NKAIN3: variants seen among roughly 807,000 people sequenced by gnomAD.
The protein encoded by NKAIN3 is sodium/potassium transporting ATPase interacting 3, also known as sodium/potassium-transporting ATPase subunit beta-1-interacting protein 3.
A neutral mutation model predicts 30.2 loss-of-function variants in NKAIN3; 25 were observed. The observed-to-expected ratio is 0.83, with a 90% CI of 0.60 to 1.16. The LOEUF (loss-of-function observed/expected upper bound fraction) is 1.16, where lower values mean the gene tolerates loss of function less well. NKAIN3 is among the 50% of genes most tolerant of loss of function. NKAIN3 has a pLI of 0.00. For missense variants in NKAIN3, 225 were observed against 254.1 expected, an observed-to-expected ratio of 0.89 and a Z score of 0.78; for synonymous variants, 91 against 89.6, an observed-to-expected ratio of 1.02 and a Z score of -0.09.
downstream of NKAIN3, among the ~76,000 whole-genome samples, chr8:62,985,378 T>G (rs747653851): frequency 8.5e-5 from 13 of 152,186 alleles, no homozygotes; most frequent in Non-Finnish European, 1.9e-4. Flanking sequence ...CAGGTACCAA[T>G]GAGTCCAGAG....
At chr8:62,304,099 C>T (rs1814142273) in intron 1 of NKAIN3, among the ~76,000 whole-genome samples, 1 of 150,380 alleles carries the variant, frequency 6.6e-6, no homozygotes, top group Non-Finnish European at 1.5e-5. Flanking sequence ...GCATAGCCAT[C>T]AGCATATATA....
intron 4 of NKAIN3, among the ~76,000 whole-genome samples, chr8:62,877,492 G>A (rs1236324088): frequency 6.6e-6 from 1 of 152,226 alleles, no homozygotes; most frequent in Non-Finnish European, 1.5e-5. Context: ...GGGGAGGGCA[G>A]CTTCCCCCAT....
chr8:62,692,368 A>G (rs896777502), intron 3 of NKAIN3, among the ~76,000 whole-genome samples: 9 of 152,238 alleles, frequency 5.9e-5, no homozygotes, highest in African/African-American at 2.2e-4. Flanking sequence ...TCCAGGTATA[A>G]GAAGCAATTT....
chr8:62,888,605 A>T (rs1373386068), intron 4 of NKAIN3, among the ~76,000 whole-genome samples: 1 of 152,174 alleles, frequency 6.6e-6, no homozygotes. Context: ...TTGATTTTTC[A>T]GTTTTTCTAG....
At chr8:62,874,455 A>T (rs1443224162) in intron 4 of NKAIN3, among the ~76,000 whole-genome samples, 1 of 152,272 alleles carries the variant, frequency 6.6e-6, no homozygotes, top group African/African-American at 2.4e-5. Flanking sequence ...ACTCCTCCCT[A>T]AATCATTTTA....
chr8:62,813,093 A>G (rs1460096993), intron 4 of NKAIN3, among the ~76,000 whole-genome samples: 1 of 151,954 alleles, frequency 6.6e-6, no homozygotes, highest in Non-Finnish European at 1.5e-5. Flanking sequence ...ACCATTTATT[A>G]AAAAGGGTGT....
chr8:62,772,016 C>G (rs1354338432), intron 4 of NKAIN3, among the ~76,000 whole-genome samples: 4 of 150,186 alleles, frequency 2.7e-5, no homozygotes, highest in Non-Finnish European at 5.9e-5. Flanking sequence ...TTTATCCTAT[C>G]TAACTATATT....
At chr8:62,362,892 A>C (rs941056874) in intron 1 of NKAIN3, among the ~76,000 whole-genome samples, 5 of 152,094 alleles carry the variant, frequency 3.3e-5, no homozygotes, top group Non-Finnish European at 5.9e-5. Context: ...CCTTATTTGA[A>C]CGCAGTTTGA....
intron 4 of NKAIN3, among the ~76,000 whole-genome samples, chr8:62,830,665 C>G (rs1819168694): frequency 6.6e-6 from 1 of 152,210 alleles, no homozygotes; most frequent in Non-Finnish European, 1.5e-5. Flanking sequence ...GGCACTTGGA[C>G]AGCTCAATCA....
At chr8:62,573,539 T>C (rs1810012521) in intron 1 of NKAIN3, among the ~76,000 whole-genome samples, 1 of 152,104 alleles carries the variant, frequency 6.6e-6, no homozygotes, top group African/African-American at 2.4e-5. Flanking sequence ...CCTGCCTTCT[T>C]TTCTTCCTTT....
chr8:62,963,132 A>G (rs147747109), intron 6 of NKAIN3, among the ~76,000 whole-genome samples: 119 of 152,278 alleles, frequency 7.8e-4, no homozygotes, highest in African/African-American at 2.7e-3. Context: ...ACCTCGGGTG[A>G]TCCACCAGAC....
chr8:62,799,536 C>A (rs1817985178), intron 4 of NKAIN3, among the ~76,000 whole-genome samples: 1 of 152,118 alleles, frequency 6.6e-6, no homozygotes, highest in Middle Eastern at 3.4e-3. Flanking sequence ...ATCAAAAAAT[C>A]AAAAAATAGT....
intron 1 of NKAIN3, among the ~76,000 whole-genome samples, chr8:62,451,068 T>C (rs1425236855): frequency 6.6e-6 from 1 of 152,204 alleles, no homozygotes; most frequent in Non-Finnish European, 1.5e-5. Flanking sequence ...TCTATAATTA[T>C]CTTTTTTATT....
At chr8:62,805,714 G>A (rs1387904489) in intron 4 of NKAIN3, among the ~76,000 whole-genome samples, 2 of 152,152 alleles carry the variant, frequency 1.3e-5, no homozygotes, top group South Asian at 4.1e-4. Context: ...AGAAAACCTA[G>A]GCATTACCAT....
At chr8:62,863,962 G>A in intron 4 of NKAIN3, 6 of 838,004 alleles carry the variant, frequency 7.2e-6, no homozygotes, top group Non-Finnish European at 1.2e-5. Context: ...TGGTGGTGGT[G>A]GAGGTGGAGG....
At chr8:62,274,047 C>A in intron 1 of NKAIN3, among the ~76,000 whole-genome samples, 1 of 152,088 alleles carries the variant, frequency 6.6e-6, no homozygotes, top group East Asian at 1.9e-4. Context: ...CTTTTTCTAT[C>A]TCGATTACTT....
intron 3 of NKAIN3, among the ~76,000 whole-genome samples, chr8:62,692,402 A>G (rs1452189121): frequency 6.6e-6 from 1 of 152,208 alleles, no homozygotes; most frequent in Non-Finnish European, 1.5e-5. Flanking sequence ...CACAGGTTCT[A>G]TAAAGGGCAA....
chr8:62,917,147 C>T (rs1822133240), intron 4 of NKAIN3, among the ~76,000 whole-genome samples: 1 of 152,018 alleles, frequency 6.6e-6, no homozygotes, highest in South Asian at 2.1e-4. Flanking sequence ...AGGCTAAGGG[C>T]ACACACACAC....
intron 3 of NKAIN3, among the ~76,000 whole-genome samples, chr8:62,722,919 T>A (rs986319816): frequency 1.3e-5 from 2 of 152,190 alleles, no homozygotes; most frequent in Non-Finnish European, 2.9e-5. Context: ...CCTACAGCCA[T>A]CCAAGATGGT....
Sources: gnomAD v4.1 joint callset for allele counts (sites outside exome capture counted in the v4.1 genomes callset) on GRCh38, gnomAD v4.1.1 for gene constraint, MANE v1.5 for transcripts, NCBI Gene and HGNC (gene_info 2026-07-23, HGNC 2026-07-21) for gene names.